Variants in DMD observed in about 807,000 individuals in gnomAD.
DMD encodes the protein mutant dystrophin.
A neutral mutation model predicts 330.1 loss-of-function variants in DMD; 63 were observed. That is an observed-to-expected ratio of 0.19 (90% CI 0.16 to 0.24). The LOEUF is 0.24. Among genes scored for constraint, DMD ranks in the 10% least tolerant of loss-of-function variants. The probability of loss-of-function intolerance (pLI) is 1.00; values close to 1 mark genes in which losing one functional copy is unlikely to be tolerated. For missense variants in DMD, 3,344 were observed against 2,684.1 expected (o/e 1.25, Z -5.43); for synonymous variants, 1,223 against 959.8 (o/e 1.27, Z -5.07).
intron 47 of DMD, among the ~76,000 whole-genome samples, chrX:31,888,265 G>A (rs1450952403): frequency 3.6e-5 from 4 of 111,652 alleles, no homozygotes; most frequent in African/African-American, 6.5e-5. Flanking sequence ...GGTAATATCC[G>A]TGTAATTAAT....
intron 9 of DMD, among the ~76,000 whole-genome samples, chrX:32,673,673 C>G (rs770205713): frequency 1.8e-5 from 2 of 111,822 alleles, no homozygotes. Flanking sequence ...ACAAAGTAGA[C>G]GATCCCTCCT....
intron 16 of DMD, among the ~76,000 whole-genome samples, chrX:32,547,981 G>A (rs1335837689): frequency 1.8e-5 from 2 of 111,329 alleles, no homozygotes; most frequent in Admixed American, 1.9e-4. Context: ...TCATGACCCT[G>A]ATAAATATCA....
chrX:32,795,519 C>G (rs1052022505), intron 7 of DMD, among the ~76,000 whole-genome samples: 1 of 111,613 alleles, frequency 9.0e-6, no homozygotes, highest in African/African-American at 3.3e-5. Flanking sequence ...CTACATGAAG[C>G]AAACATAGGG....
At chrX:32,085,263 T>C (rs757760623) in intron 44 of DMD, among the ~76,000 whole-genome samples, 1 of 110,890 alleles carries the variant, frequency 9.0e-6, no homozygotes, top group Non-Finnish European at 1.9e-5. Flanking sequence ...TATGTATGCA[T>C]ACATATACAC....
chrX:33,110,068 C>G (rs952180142), intron 1 of DMD, among the ~76,000 whole-genome samples: 6 of 111,722 alleles, frequency 5.4e-5, no homozygotes, highest in Non-Finnish European at 1.1e-4. Context: ...TTTGCACCTA[C>G]TTTTCTCTTT....
At position 31,926,694 on chromosome X, in the gene DMD, A is replaced by T. The variant is rs780954251; in HGVS notation, c.6912+2902T>A. Among the ~76,000 whole-genome samples, 23 of 111,478 alleles carry T rather than the reference A, an allele frequency of 2.1e-4. No homozygotes were observed. The South Asian group carries it at 8.0e-3, about 39-fold the overall frequency. On this transcript the variant is annotated intron_variant, in intron 47 of 78. Transcript: ENST00000357033. ...CTGTCTCAAAAAATAAATAAAAAAA[A>T]AAATAAAATAAAGGTACAAGAGTAA...
At chrX:32,346,172 C>A (rs772178049) in intron 38 of DMD, 92 bp from the exon 39 acceptor site, 6 of 977,359 alleles carry the variant, frequency 6.1e-6, no homozygotes, top group African/African-American at 1.9e-5. Flanking sequence ...TTTAAACACA[C>A]ACAAAAATCC....
intron 7 of DMD, among the ~76,000 whole-genome samples, chrX:32,769,044 T>C (rs754521206): frequency 9.0e-6 from 1 of 111,306 alleles, no homozygotes; most frequent in African/African-American, 3.3e-5. Context: ...TCAATGGCTA[T>C]ATGAAAAAAC....
chrX:32,498,761 G>C (rs2043751760), intron 19 of DMD, among the ~76,000 whole-genome samples: 2 of 111,654 alleles, frequency 1.8e-5, no homozygotes, highest in South Asian at 7.4e-4. Flanking sequence ...CATAAAACTT[G>C]TATGTGACAC....
intron 9 of DMD, among the ~76,000 whole-genome samples, chrX:32,646,046 G>A (rs1459747615): frequency 9.0e-6 from 1 of 111,610 alleles, no homozygotes; most frequent in Non-Finnish European, 1.9e-5. Context: ...TGGTGAGAAA[G>A]GCTTCCTCTG....
intron 49 of DMD, among the ~76,000 whole-genome samples, chrX:31,835,066 T>C (rs2093165938): frequency 8.9e-6 from 1 of 111,951 alleles, no homozygotes; most frequent in Non-Finnish European, 1.9e-5. Flanking sequence ...AGTGGCCCAG[T>C]AGTTGAGTGT....
rs2077059078 is a variant in DMD, at chrX:31,595,265, T to A, written c.8217+32408A>T. ...TGCTTCCATTTTCCACTTCTGAAGA[T>A]CTGTTTCGGCTCATGGTAAATATTA... On this transcript the variant is annotated intron_variant, in intron 55 of 78. Transcript: ENST00000357033. Among the ~76,000 whole-genome samples the A allele has an allele frequency of 1.8e-5, 2 of 111,509 alleles. 1 individual carries two copies. Among genetic ancestry groups the A allele is most frequent in the South Asian group, 7.5e-4 (2 of 2,682 alleles).
chrX:31,999,813 T>C (rs897581237), intron 44 of DMD, among the ~76,000 whole-genome samples: 17 of 111,660 alleles, frequency 1.5e-4, no homozygotes, highest in African/African-American at 5.5e-4. Context: ...AGGGATCATA[T>C]GGGCTAAAAT....
At chrX:32,553,424 G>A (rs1024738615) in intron 16 of DMD, among the ~76,000 whole-genome samples, 2 of 108,686 alleles carry the variant, frequency 1.8e-5, no homozygotes, top group African/African-American at 6.9e-5. Context: ...TGGAGGGTAA[G>A]AGGAGGGTGA....
At chrX:32,072,441 T>A (rs1399286591) in intron 44 of DMD, among the ~76,000 whole-genome samples, 2 of 107,726 alleles carry the variant, frequency 1.9e-5, no homozygotes, top group Non-Finnish European at 3.8e-5. Context: ...AAAAAAAAAA[T>A]GCTTTACAAA....
At chrX:31,371,995 G>C (rs184810344) in intron 60 of DMD, among the ~76,000 whole-genome samples, 11 of 111,902 alleles carry the variant, frequency 9.8e-5, no homozygotes, top group East Asian at 2.8e-4. Context: ...GTAGTTGTTA[G>C]AATTAAGGGA....
intron 2 of DMD, among the ~76,000 whole-genome samples, chrX:33,010,489 A>C (rs2093681746): frequency 9.1e-6 from 1 of 110,370 alleles, no homozygotes; most frequent in African/African-American, 3.3e-5. Flanking sequence ...ACACAAAGGA[A>C]ATGCTCATTG....
chrX:31,331,135 GCTAA>G (rs2057099347), intron 61 of DMD, among the ~76,000 whole-genome samples: 1 of 111,679 alleles, frequency 9.0e-6, no homozygotes, highest in African/African-American at 3.3e-5. Context: ...AATCTTTATG[GCTAA>G]CTAAAATTCC....
intron 1 of DMD, among the ~76,000 whole-genome samples, chrX:33,154,540 A>T (rs2048415788): frequency 9.0e-6 from 1 of 111,706 alleles, no homozygotes; most frequent in Admixed American, 9.6e-5. Flanking sequence ...ACAAAGATGG[A>T]TATTTAGATA....
Sources: allele counts gnomAD v4.1 joint callset (sites outside exome capture counted in the v4.1 genomes callset), GRCh38; gene constraint gnomAD v4.1.1; transcripts MANE v1.5; gene names NCBI Gene and HGNC (gene_info 2026-07-23, HGNC 2026-07-21).